The following DENND1A variants were observed in gnomAD, a reference collection of about 807,000 sequenced individuals.
The protein encoded by DENND1A is DENN domain-containing protein 1A.
In DENND1A, 51 loss-of-function variants were observed where a neutral mutation model predicts 113.7. The ratio of observed to expected loss-of-function variants is 0.45; its 90% CI spans 0.36 to 0.57. DENND1A has a LOEUF of 0.57. DENND1A is among the 20% of genes least tolerant of loss of function. DENND1A has a pLI of 0.00. For missense variants in DENND1A, 1,258 were observed against 1,395.9 expected, an observed-to-expected ratio of 0.90 and a Z score of 1.57; for synonymous variants, 565 against 570.8, an observed-to-expected ratio of 0.99 and a Z score of 0.14.
chr9:123,742,694 G>A (rs1228173405), intron 5 of DENND1A, among the ~76,000 whole-genome samples: 1 of 152,076 alleles, frequency 6.6e-6, no homozygotes, highest in Non-Finnish European at 1.5e-5. Flanking sequence ...CATAAAACAG[G>A]TTATGACAGA....
chr9:123,920,201 C>T (rs1449976468), intron 1 of DENND1A, among the ~76,000 whole-genome samples: 3 of 152,302 alleles, frequency 2.0e-5, no homozygotes, highest in East Asian at 1.9e-4. Context: ...GAGGCCGAGG[C>T]GGGCGGATCA....
Position 123,802,705 on chromosome 9 carries a change from CT to C in DENND1A, c.89-10076del, listed in dbSNP as rs559650822. On this transcript the variant is annotated intron_variant, in intron 2 of 23. Coordinates refer to ENST00000394215, the MANE Select transcript of DENND1A (RefSeq NM_001352964.2). The stretch of plus-strand genomic sequence containing the variant: ...ACTCTATCCATCTTTTCACTACTGC[CT>C]TTTTTTTTTTTTTGACACAGAGTTT... 7.1e-3 allele frequency among the ~76,000 whole-genome samples: 1,029 copies of C among 144,312 alleles called. 3 individuals are homozygous for C. Among genetic ancestry groups the C allele is most frequent in the African/African-American group, 0.013 (516 of 39,596 alleles). The allele number at this position is 144,312 out of a possible 152,430, so 94.7% of individuals were successfully genotyped here. A position where few individuals can be genotyped will look rare whatever the true frequency, so the allele number is the denominator to read the frequency against.
Position 123,382,378 on chromosome 9 carries a change from C to G in DENND1A, c.2267G>C (p.Gly756Ala). ...TTGGGGCCGGGGGATGGTGATGCTG[C>G]CCAGAGTAGGGGTGGGCACCTCCTC... ...DKEEVPTPTL[G>A]SITIPRPQGR... Residue 756 changes from glycine (G) to alanine (A), a missense_variant, in exon 24 of 24, where the codon GGC (glycine) becomes GCC (alanine). Physicochemically the swap from Gly to Ala is moderately conservative, Grantham distance 60. Coordinates refer to ENST00000394215, the MANE Select transcript of DENND1A (RefSeq NM_001352964.2). The G allele has an allele frequency of 6.3e-7, 1 of 1,598,866 alleles. No homozygotes were observed.
At chr9:123,875,914 C>T (rs1847381389) in intron 2 of DENND1A, among the ~76,000 whole-genome samples, 1 of 152,206 alleles carries the variant, frequency 6.6e-6, no homozygotes, top group African/African-American at 2.4e-5. Context: ...AGGGGTCCCT[C>T]TTGCCAGGAC....
intron 12 of DENND1A, among the ~76,000 whole-genome samples, chr9:123,561,165 T>A (rs931403870): frequency 6.6e-6 from 1 of 152,230 alleles, no homozygotes; most frequent in Non-Finnish European, 1.5e-5. Context: ...AGATTATTCC[T>A]CACTTAACCT....
At chr9:123,794,458 A>G (rs563416281) in intron 2 of DENND1A, among the ~76,000 whole-genome samples, 26 of 152,308 alleles carry the variant, frequency 1.7e-4, no homozygotes, top group African/African-American at 5.8e-4. Context: ...TTTTCTTCCA[A>G]TTGACATGTG....
chr9:123,531,624 T>C (rs773179947), intron 13 of DENND1A, among the ~76,000 whole-genome samples: 1 of 150,926 alleles, frequency 6.6e-6, no homozygotes, highest in Non-Finnish European at 1.5e-5. Flanking sequence ...ATATGTGTTT[T>C]ACATATAAAA....
intron 2 of DENND1A, among the ~76,000 whole-genome samples, chr9:123,804,948 T>C (rs1835290225): frequency 6.6e-6 from 1 of 152,130 alleles, no homozygotes; most frequent in Admixed American, 6.6e-5. Flanking sequence ...CGTCCTCCCT[T>C]CACCAGCATA....
At chr9:123,543,318 A>G (rs918215420) in intron 13 of DENND1A, among the ~76,000 whole-genome samples, 1 of 152,234 alleles carries the variant, frequency 6.6e-6, no homozygotes. Flanking sequence ...ATGCTGGGTT[A>G]AACAAAGTGA....
chr9:123,798,697 C>T (rs528988944), intron 2 of DENND1A, among the ~76,000 whole-genome samples: 68 of 58,512 alleles, frequency 1.2e-3, no homozygotes, highest in South Asian at 5.2e-3. Flanking sequence ...CTTTAAAATG[C>T]AAAAGGAAGG....
chr9:123,453,722 G>A (rs2047905572), intron 16 of DENND1A, among the ~76,000 whole-genome samples: 1 of 152,126 alleles, frequency 6.6e-6, no homozygotes, highest in South Asian at 2.1e-4. Flanking sequence ...ACAATTTTTG[G>A]TAACTGCCCA....
intron 5 of DENND1A, among the ~76,000 whole-genome samples, chr9:123,678,074 G>T (rs560755150): frequency 2.0e-5 from 3 of 152,176 alleles, no homozygotes; most frequent in African/African-American, 7.2e-5. Context: ...CACTTCATGT[G>T]CCCTAATTCT....
chr9:123,867,883 G>A (rs1400215004), intron 2 of DENND1A, among the ~76,000 whole-genome samples: 1 of 152,202 alleles, frequency 6.6e-6, no homozygotes, highest in African/African-American at 2.4e-5. Flanking sequence ...CTATTTGGGT[G>A]TTAAACTGAT....
At chr9:123,879,422 A>G (rs1439593501) in intron 1 of DENND1A, among the ~76,000 whole-genome samples, 2 of 152,074 alleles carry the variant, frequency 1.3e-5, no homozygotes, top group African/African-American at 4.8e-5. Flanking sequence ...AATGCAAGCT[A>G]CTTGGGAGGC....
intron 2 of DENND1A, chr9:123,843,599 A>C (rs1842148274): frequency 5.4e-6 from 1 of 185,880 alleles, no homozygotes; most frequent in African/African-American, 2.4e-5. Flanking sequence ...ATATGCTTGG[A>C]GTGACCTTTA....
At chr9:123,914,776 C>T (rs1266236795) in intron 1 of DENND1A, among the ~76,000 whole-genome samples, 1 of 151,778 alleles carries the variant, frequency 6.6e-6, no homozygotes, top group African/African-American at 2.4e-5. Flanking sequence ...AGATCATGAA[C>T]TACTAGAGCA....
chr9:123,443,476 G>C (rs916889259), intron 18 of DENND1A, among the ~76,000 whole-genome samples: 1 of 152,220 alleles, frequency 6.6e-6, no homozygotes, highest in Admixed American at 6.5e-5. Flanking sequence ...ATGTACCTGC[G>C]TGTCAAAAAG....
intron 16 of DENND1A, among the ~76,000 whole-genome samples, chr9:123,452,638 G>A (rs2047817445): frequency 6.6e-6 from 1 of 151,998 alleles, no homozygotes; most frequent in African/African-American, 2.4e-5. Flanking sequence ...TGGCTGGAGG[G>A]AACTGCATCA....
chr9:123,823,342 G>C (rs1217848479), intron 2 of DENND1A, among the ~76,000 whole-genome samples: 1 of 152,208 alleles, frequency 6.6e-6, no homozygotes, highest in Non-Finnish European at 1.5e-5. Flanking sequence ...AAGGAAAGTG[G>C]TCTGGGCAGA....
Sources: gnomAD v4.1 joint callset for allele counts (sites outside exome capture counted in the v4.1 genomes callset) on GRCh38, gnomAD v4.1.1 for gene constraint, MANE v1.5 for transcripts, NCBI Gene and HGNC (gene_info 2026-07-23, HGNC 2026-07-21) for gene names.